DNAH14: variants seen among roughly 807,000 people sequenced by gnomAD.
The protein encoded by DNAH14 is axonemal beta dynein heavy chain 14.
A neutral mutation model predicts 520.9 loss-of-function variants in DNAH14; 478 were observed. The ratio of observed to expected loss-of-function variants is 0.92; its 90% CI spans 0.85 to 0.99. DNAH14 has a LOEUF of 0.99. Ranked by LOEUF, DNAH14 falls within the 50% of genes least tolerant of loss-of-function variation. The probability of loss-of-function intolerance (pLI) is 0.00; values close to 1 mark genes in which losing one functional copy is unlikely to be tolerated. For synonymous variants in DNAH14, 1,581 were observed against 1,757.2 expected, an observed-to-expected ratio of 0.90 and a Z score of 2.51; for missense variants, 4,831 against 5,234.5, an observed-to-expected ratio of 0.92 and a Z score of 2.38.
Position 225,259,182 on chromosome 1 carries a change from A to G in DNAH14, c.7086A>G (p.Pro2362=), listed in dbSNP as rs1451588300. 6.5e-7 allele frequency: 1 copy of G among 1,546,742 alleles called. No individual in the cohort carries two copies. The highest frequency in any genetic ancestry group is 1.2e-5 in the South Asian group (1 of 83,196). Residue 2362 remains proline (P), a synonymous_variant, in exon 46 of 86, where the codon CCA becomes CCG. Coordinates refer to ENST00000682510, the MANE Select transcript of DNAH14 (RefSeq NM_001367479.1). ...INQMLEKLEG[P]GAFDIKHGSI... The stretch of plus-strand genomic sequence containing the variant: ...AAATGCTTGAAAAGCTAGAGGGTCC[A>G]GGAGCATTTGACATAAAACATGGTT...
At chr1:225,330,886 T>C (rs1256419136) in intron 64 of DNAH14, among the ~76,000 whole-genome samples, 1 of 152,194 alleles carries the variant, frequency 6.6e-6, no homozygotes, top group Admixed American at 6.5e-5. Context: ...ACACATTGCA[T>C]GCCTGTATCA....
intron 66 of DNAH14, among the ~76,000 whole-genome samples, chr1:225,335,136 T>C (rs910258346): frequency 1.6e-5 from 2 of 127,188 alleles, no homozygotes; most frequent in African/African-American, 3.2e-5. Context: ...CATATGTGCA[T>C]GTGCACATGT....
intron 64 of DNAH14, among the ~76,000 whole-genome samples, chr1:225,330,871 T>C (rs1300366680): frequency 2.6e-5 from 4 of 152,200 alleles, no homozygotes; most frequent in African/African-American, 4.8e-5. Context: ...CATGATGTGA[T>C]GATTACACAT....
rs1368553950 is a variant in DNAH14, at chr1:225,374,266, A to ATTTGTC, written c.12319-421_12319-420insTTGTCT. On this transcript the variant is annotated intron_variant, in intron 77 of 85. Transcript: ENST00000682510. ...TATTTGTCTATATATATATATATAT[A>ATTTGTC]TATATTTTTTTTTGAGATAGAGTCT... Among the ~76,000 whole-genome samples, 8 of 32,944 alleles carry ATTTGTC rather than the reference A, an allele frequency of 2.4e-4. No individual in the cohort carries two copies. The East Asian group carries it at 0.019, about 80-fold the overall frequency. 21.6% of individuals were successfully genotyped at this position (32,944 alleles called of 152,430 possible).
intron 41 of DNAH14, among the ~76,000 whole-genome samples, chr1:225,217,524 C>A (rs1192963117): frequency 2.0e-5 from 3 of 152,306 alleles, no homozygotes; most frequent in South Asian, 2.1e-4. Context: ...GGCAGGCAGG[C>A]CTCCTTGAGC....
chr1:224,955,465 C>T (rs535809941), intron 3 of DNAH14, among the ~76,000 whole-genome samples: 49 of 152,208 alleles, frequency 3.2e-4, no homozygotes, highest in Admixed American at 1.0e-3. Flanking sequence ...GTATTGTGAC[C>T]TCCTTTATTG....
rs200429407 is a variant in DNAH14, at chr1:225,190,140, CTAT to C, written c.5671-2555_5671-2553del. ...CAGATAGTACTGAACCCTATATATA[CTAT>C]GTTTTTTCCCATACATACATATCTA... On this transcript the variant is annotated intron_variant, in intron 37 of 85. Coordinates refer to ENST00000682510, the MANE Select transcript of DNAH14 (RefSeq NM_001367479.1). Among the ~76,000 whole-genome samples the C allele has an allele frequency of 6.2e-4, 94 of 151,954 alleles. No individual in the cohort carries two copies. The East Asian group carries it at 0.017, about 27-fold the overall frequency.
At position 225,333,474 on chromosome 1, in the gene DNAH14, T is replaced by A; in HGVS notation, c.10048T>A (p.Ser3350Thr). ...TGGCATTTCTTTGTCTTCCAAATTC[T>A]CTTTAATTAAAGTTATGGCACAAAA... ...ENGISLSSKF[S>T]LIKVMAQKYE... The change falls in exon 66 of 86, where the codon TCT (serine) becomes ACT (threonine). Residue 3350 changes from serine to threonine, a missense_variant. Transcript: ENST00000682510. 2 of 1,551,150 alleles carry A rather than the reference T, an allele frequency of 1.3e-6. No individual in the cohort carries two copies. Among genetic ancestry groups the A allele is most frequent in the Non-Finnish European group, 1.7e-6 (2 of 1,146,690 alleles).
At chr1:225,300,243 C>T (rs2094112783) in intron 55 of DNAH14, among the ~76,000 whole-genome samples, 1 of 152,180 alleles carries the variant, frequency 6.6e-6, no homozygotes, top group Non-Finnish European at 1.5e-5. Context: ...ACTGCCTGAG[C>T]AGTGTTCCTG....
intron 23 of DNAH14, among the ~76,000 whole-genome samples, chr1:225,102,482 G>A (rs552010356): frequency 6.6e-6 from 1 of 152,260 alleles, no homozygotes; most frequent in East Asian, 1.9e-4. Flanking sequence ...TTCTACAATG[G>A]CTGAACTAGT....
chr1:225,190,247 TATG>T (rs1219566749), intron 37 of DNAH14, among the ~76,000 whole-genome samples: 1 of 151,960 alleles, frequency 6.6e-6, no homozygotes, highest in Non-Finnish European at 1.5e-5. Context: ...TTATAAAAAA[TATG>T]ATGTAATAAA....
intron 42 of DNAH14, among the ~76,000 whole-genome samples, chr1:225,236,295 T>C (rs1440588073): frequency 6.6e-6 from 1 of 152,216 alleles, no homozygotes; most frequent in Admixed American, 6.5e-5. Context: ...CCAAGAGTCA[T>C]TGAGGAGCAC....
At chr1:225,334,694 A>G (rs772355718) in intron 66 of DNAH14, among the ~76,000 whole-genome samples, 14 of 152,068 alleles carry the variant, frequency 9.2e-5, no homozygotes, top group South Asian at 4.1e-4. Flanking sequence ...AATTGCAATG[A>G]CAGATCACAA....
chr1:225,048,743 G>T (rs2449279), intron 15 of DNAH14, among the ~76,000 whole-genome samples: 121,137 of 152,072 alleles, frequency 0.8, 51,667 homozygotes, highest in Non-Finnish European at 0.96. Flanking sequence ...GATTGATGGG[G>T]CATATGGTAG....
intron 55 of DNAH14, 61 bp from the exon 56 acceptor site, chr1:225,300,808 T>C: frequency 1.4e-6 from 2 of 1,452,174 alleles, no homozygotes; most frequent in Non-Finnish European, 1.8e-6. Flanking sequence ...CAAATTGATG[T>C]GGTTAGGGTA....
chr1:225,098,744 G>A (rs1203458209), intron 22 of DNAH14, among the ~76,000 whole-genome samples: 1 of 152,142 alleles, frequency 6.6e-6, no homozygotes. Context: ...ACAACTTTGA[G>A]CCTTAAGTTT....
intron 11 of DNAH14, among the ~76,000 whole-genome samples, chr1:225,024,903 G>A (rs964390469): frequency 6.6e-6 from 1 of 152,028 alleles, no homozygotes; most frequent in Non-Finnish European, 1.5e-5. Flanking sequence ...TTCTGTCACT[G>A]AATTACAACA....
At chr1:225,344,686 C>T (rs2095258002) in intron 69 of DNAH14, among the ~76,000 whole-genome samples, 1 of 136,098 alleles carries the variant, frequency 7.3e-6, no homozygotes, top group South Asian at 2.5e-4. Context: ...GAAAACTAGC[C>T]ATTCTTTTAT....
chr1:225,276,979 AAGGAAGGG>A (rs1222233995), intron 53 of DNAH14, among the ~76,000 whole-genome samples: 1,669 of 49,232 alleles, frequency 0.034, 54 homozygotes, highest in Non-Finnish European at 0.045. Context: ...GGAAGGAAGG[AAGGAAGGG>A]AGGGAGGAAG....
Sources: gnomAD v4.1 joint callset for allele counts (sites outside exome capture counted in the v4.1 genomes callset) on GRCh38, gnomAD v4.1.1 for gene constraint, MANE v1.5 for transcripts, NCBI Gene and HGNC (gene_info 2026-07-23, HGNC 2026-07-21) for gene names.